The following GALNT17 variants were observed in gnomAD, a reference collection of about 807,000 sequenced individuals.
The protein encoded by GALNT17 is UDP-GalNAc:polypeptide N-acetylgalactosaminyltransferase-like 3.
Under a neutral mutation model 63.7 loss-of-function variants are expected in GALNT17, and 29 were observed. The ratio of observed to expected loss-of-function variants is 0.46; its 90% CI spans 0.34 to 0.62. GALNT17 has a LOEUF of 0.62. GALNT17 is among the 20% of genes least tolerant of loss of function. The pLI is 0.01. For synonymous variants in GALNT17, 305 were observed against 318.3 expected (o/e 0.96, Z 0.45); for missense variants, 603 against 799.6 (o/e 0.75, Z 2.97).
chr7:71,290,034 G>A (rs1038801245), intron 1 of GALNT17, among the ~76,000 whole-genome samples: 2 of 152,144 alleles, frequency 1.3e-5, no homozygotes, highest in South Asian at 2.1e-4. Flanking sequence ...AACGAAGCAA[G>A]ACTGTCTCAA....
At chr7:71,244,645 TG>T (rs1297681047) in intron 1 of GALNT17, among the ~76,000 whole-genome samples, 7 of 152,210 alleles carry the variant, frequency 4.6e-5, no homozygotes, top group African/African-American at 1.4e-4. Context: ...AGGCAGAGAC[TG>T]GGATCCCTCC....
intron 1 of GALNT17, among the ~76,000 whole-genome samples, chr7:71,136,991 T>C (rs896327563): frequency 2.6e-5 from 4 of 152,002 alleles, no homozygotes; most frequent in African/African-American, 9.6e-5. Context: ...TCTGCCATGT[T>C]GCCAGGGCTG....
chr7:71,199,534 C>T (rs111811717), intron 1 of GALNT17, among the ~76,000 whole-genome samples: 26 of 136,944 alleles, frequency 1.9e-4, no homozygotes, highest in African/African-American at 6.9e-4. Flanking sequence ...ATCCATCCAT[C>T]CATCCATCCA....
In GALNT17 at chr7:71,524,964, A is replaced by G. The variant is rs945034527; in HGVS notation, c.963-46321A>G. Among the ~76,000 whole-genome samples the G allele has an allele frequency of 3.3e-5, 5 of 152,032 alleles. No individual in the cohort carries two copies. In the East Asian group the frequency reaches 7.7e-4, roughly 24 times the overall value. ...ACTCCAGTCCTAGTTTACATCTCCT[A>G]TTTGCATCCTTCCTTGCCCCTTGTT... On this transcript the variant is annotated intron_variant, in intron 5 of 10. Coordinates refer to ENST00000333538, the MANE Select transcript of GALNT17 (RefSeq NM_022479.3).
At chr7:71,601,130 A>G (rs977642934) in intron 6 of GALNT17, among the ~76,000 whole-genome samples, 14 of 151,906 alleles carry the variant, frequency 9.2e-5, no homozygotes, top group South Asian at 4.2e-4. Context: ...CATCATATAT[A>G]TATCATATAT....
chr7:71,210,801 G>T (rs1044645218), intron 1 of GALNT17, among the ~76,000 whole-genome samples: 1 of 152,154 alleles, frequency 6.6e-6, no homozygotes. Flanking sequence ...TTGCTTAGGA[G>T]CATTGTTACC....
At chr7:71,195,622 A>G (rs1166350769) in intron 1 of GALNT17, among the ~76,000 whole-genome samples, 2 of 149,610 alleles carry the variant, frequency 1.3e-5, no homozygotes, top group East Asian at 4.0e-4. Context: ...ATCATGGCTT[A>G]CTGCACCCTC....
At chr7:71,674,780 G>T (rs1791123378) in intron 8 of GALNT17, among the ~76,000 whole-genome samples, 1 of 152,150 alleles carries the variant, frequency 6.6e-6, no homozygotes, top group Non-Finnish European at 1.5e-5. Context: ...GCCTCCCAAA[G>T]CACTGGGATT....
In GALNT17 at chr7:71,335,602, G is replaced by A. The variant is rs1791885422; in HGVS notation, c.291G>A (p.Gly97=). 2 of 1,612,540 alleles carry A rather than the reference G, an allele frequency of 1.2e-6. No homozygotes were observed. The highest frequency in any genetic ancestry group is 2.2e-5 in the South Asian group (2 of 90,812). Residue 97 remains glycine (G), a synonymous_variant, in exon 2 of 11, where the codon GGG becomes GGA. Coordinates refer to ENST00000333538, the MANE Select transcript of GALNT17 (RefSeq NM_022479.3). ...AAGGTTATGGTGGGCGGGGTAAAGG[G>A]GGCCTTCCGGCTACTCTTTCCCCGG... ...LIEGYGGRGK[G]GLPATLSPAE...
At chr7:71,348,277 A>G (rs1792130217) in intron 2 of GALNT17, among the ~76,000 whole-genome samples, 1 of 152,000 alleles carries the variant, frequency 6.6e-6, no homozygotes, top group Admixed American at 6.6e-5. Context: ...AAAAAAAGAA[A>G]TGGATGCTCT....
chr7:71,624,808 T>C (rs1790347146), intron 6 of GALNT17, among the ~76,000 whole-genome samples: 1 of 152,172 alleles, frequency 6.6e-6, no homozygotes, highest in Non-Finnish European at 1.5e-5. Flanking sequence ...AAAAACATAT[T>C]AGAAGGAGGA....
At chr7:71,436,236 G>T (rs968831164) in intron 5 of GALNT17, among the ~76,000 whole-genome samples, 1 of 152,136 alleles carries the variant, frequency 6.6e-6, no homozygotes, top group Non-Finnish European at 1.5e-5. Context: ...GGACACTCAG[G>T]AGGCTGAGAT....
chr7:71,358,418 T>G (rs570676135), intron 2 of GALNT17, among the ~76,000 whole-genome samples: 42 of 152,246 alleles, frequency 2.8e-4, no homozygotes, highest in Middle Eastern at 3.4e-3. Flanking sequence ...ATAAATAAAG[T>G]TGTTTGTTAC....
intron 3 of GALNT17, among the ~76,000 whole-genome samples, chr7:71,405,302 C>G (rs1793308919): frequency 6.6e-6 from 1 of 152,102 alleles, no homozygotes; most frequent in Admixed American, 6.6e-5. Flanking sequence ...GTTGCTGGCC[C>G]TCTGTCTTAG....
intron 1 of GALNT17, among the ~76,000 whole-genome samples, chr7:71,289,569 C>G (rs993371432): frequency 2.6e-5 from 4 of 151,670 alleles, no homozygotes; most frequent in African/African-American, 9.7e-5. Flanking sequence ...AACCCCATCT[C>G]TACTAAAAAT....
intron 3 of GALNT17, among the ~76,000 whole-genome samples, chr7:71,396,292 A>G (rs1276088218): frequency 6.6e-6 from 1 of 152,086 alleles, no homozygotes; most frequent in African/African-American, 2.4e-5. Flanking sequence ...ATTTTTGTAT[A>G]TGGTTTGAGG....
At chr7:71,343,125 A>T (rs1049929812) in intron 2 of GALNT17, among the ~76,000 whole-genome samples, 1 of 152,196 alleles carries the variant, frequency 6.6e-6, no homozygotes, top group South Asian at 2.1e-4. Context: ...CTTCATTGCA[A>T]ACTAATCCTA....
chr7:71,486,103 C>T (rs1050667647), intron 5 of GALNT17, among the ~76,000 whole-genome samples: 2 of 151,874 alleles, frequency 1.3e-5, no homozygotes, highest in African/African-American at 2.4e-5. Context: ...TGGGGCAGGG[C>T]GGATTACTTG....
chr7:71,253,586 A>G (rs1790239398), intron 1 of GALNT17, among the ~76,000 whole-genome samples: 2 of 151,582 alleles, frequency 1.3e-5, no homozygotes, highest in South Asian at 2.1e-4. Context: ...GACGTCCCCA[A>G]ACTCTCTTTG....
Sources: gnomAD v4.1 joint callset for allele counts (sites outside exome capture counted in the v4.1 genomes callset) on GRCh38, gnomAD v4.1.1 for gene constraint, MANE v1.5 for transcripts, NCBI Gene and HGNC (gene_info 2026-07-23, HGNC 2026-07-21) for gene names.